The following AKAP19 variants were observed in gnomAD, a reference collection of about 807,000 sequenced individuals.
AKAP19 encodes the protein small A-kinase anchoring protein.
the AKAP19 span, among the ~76,000 whole-genome samples, chr2:190,195,064 A>G: frequency 6.6e-6 from 1 of 152,020 alleles, no homozygotes; most frequent in East Asian, 1.9e-4. Context: ...GGGTCTTGCT[A>G]TGTTGCCTAG....
chr2:190,180,323 A>G, the AKAP19 span: 8 of 358,332 alleles, frequency 2.2e-5, no homozygotes, highest in African/African-American at 1.5e-4. The surrounding 1 kb of genome is among the most constrained non-coding windows in gnomAD (Gnocchi z 6.8). Flanking sequence ...AGGCGGGCTC[A>G]GTGCCCCGGC....
chr2:190,083,038 T>C, the AKAP19 span, among the ~76,000 whole-genome samples: 3 of 152,208 alleles, frequency 2.0e-5, no homozygotes, highest in Non-Finnish European at 4.4e-5. Flanking sequence ...ATTTAACATA[T>C]GTATTATCTC....
At chr2:190,062,092 G>A in the AKAP19 span, 3 of 936,996 alleles carry the variant, frequency 3.2e-6, no homozygotes, top group South Asian at 5.1e-5. Flanking sequence ...TTGAAAAAGA[G>A]AAACTCTTTT....
At chr2:189,991,470 T>C in the AKAP19 span, among the ~76,000 whole-genome samples, 2 of 152,232 alleles carry the variant, frequency 1.3e-5, no homozygotes, top group Non-Finnish European at 2.9e-5. Context: ...TTTTTTCATA[T>C]GTTTGTTGGC....
chr2:190,075,740 T>A, the AKAP19 span, among the ~76,000 whole-genome samples: 1 of 152,092 alleles, frequency 6.6e-6, no homozygotes, highest in Non-Finnish European at 1.5e-5. Context: ...TTAAAGTGGT[T>A]TTTTTGGTAG....
the AKAP19 span, among the ~76,000 whole-genome samples, chr2:190,146,345 C>T: frequency 2.0e-5 from 3 of 152,218 alleles, no homozygotes; most frequent in Admixed American, 6.5e-5. Flanking sequence ...CATAGTATTC[C>T]GTCATTTATA....
chr2:190,055,151 C>A, the AKAP19 span, among the ~76,000 whole-genome samples: 1,715 of 151,938 alleles, frequency 0.011, 25 homozygotes, highest in African/African-American at 0.039. Context: ...TGCAGCCATA[C>A]AAAATGATGA....
chr2:189,916,914 G>GTA, the AKAP19 span, among the ~76,000 whole-genome samples: 4 of 151,932 alleles, frequency 2.6e-5, no homozygotes, highest in Non-Finnish European at 5.9e-5. Flanking sequence ...TTCATTCACC[G>GTA]TATAATTTAT....
the AKAP19 span, among the ~76,000 whole-genome samples, chr2:190,146,782 G>T: frequency 6.6e-6 from 1 of 152,122 alleles, no homozygotes; most frequent in Non-Finnish European, 1.5e-5. Flanking sequence ...ATGTTTGTTG[G>T]CCATTTGTAT....
chr2:189,904,489 AAC>A, the AKAP19 span, among the ~76,000 whole-genome samples: 1 of 152,066 alleles, frequency 6.6e-6, no homozygotes, highest in Non-Finnish European at 1.5e-5. Flanking sequence ...TTAAGCTGTT[AAC>A]ACAGAATGGG....
the AKAP19 span, among the ~76,000 whole-genome samples, chr2:189,947,840 A>G: frequency 6.6e-6 from 1 of 152,152 alleles, no homozygotes; most frequent in Non-Finnish European, 1.5e-5. Context: ...ATCTATGTGA[A>G]GAATAAACCT....
At chr2:189,902,201 A>G in the AKAP19 span, among the ~76,000 whole-genome samples, 1 of 151,956 alleles carries the variant, frequency 6.6e-6, no homozygotes, top group Non-Finnish European at 1.5e-5. Context: ...ATGTATCTTT[A>G]TTTAGTATTC....
At chr2:190,163,298 T>G in the AKAP19 span, among the ~76,000 whole-genome samples, 2 of 151,802 alleles carry the variant, frequency 1.3e-5, no homozygotes, top group African/African-American at 2.4e-5. Context: ...GCCGGGCGTG[T>G]TGGCGGGCGC....
the AKAP19 span, among the ~76,000 whole-genome samples, chr2:189,997,150 T>C: frequency 6.6e-6 from 1 of 152,220 alleles, no homozygotes; most frequent in Non-Finnish European, 1.5e-5. Context: ...TGGAGTTAGC[T>C]GTTGGTTTCT....
the AKAP19 span, among the ~76,000 whole-genome samples, chr2:190,110,629 T>C: frequency 0.018 from 2,816 of 152,314 alleles, 36 homozygotes; most frequent in Middle Eastern, 0.027. Flanking sequence ...AACTTAGCCA[T>C]TTATTTCCTA....
At chr2:190,104,598 T>C in the AKAP19 span, among the ~76,000 whole-genome samples, 1 of 152,144 alleles carries the variant, frequency 6.6e-6, no homozygotes, top group Non-Finnish European at 1.5e-5. Flanking sequence ...GAGACCAGGC[T>C]GGGCAACATG....
the AKAP19 span, among the ~76,000 whole-genome samples, chr2:189,949,335 C>T: frequency 7.2e-5 from 11 of 151,980 alleles, no homozygotes; most frequent in African/African-American, 1.9e-4. Flanking sequence ...GAGTGGATCA[C>T]GAGGTCAGGA....
chr2:190,199,998 G>C, the AKAP19 span: 136 of 1,614,016 alleles, frequency 8.4e-5, no homozygotes, highest in Non-Finnish European at 1.0e-4. Flanking sequence ...ATGTCAAAGA[G>C]GAAGTGAAGG....
the AKAP19 span, among the ~76,000 whole-genome samples, chr2:190,114,519 G>A: frequency 6.6e-6 from 1 of 152,118 alleles, no homozygotes; most frequent in African/African-American, 2.4e-5. Flanking sequence ...CCAGTGGCGC[G>A]ATCTCGGCTC....
Sources: gnomAD v4.1 joint callset for allele counts (sites outside exome capture counted in the v4.1 genomes callset) on GRCh38, gnomAD v4.1.1 for gene constraint, Gnocchi (gnomAD v3.1) non-coding constraint, MANE v1.5 for transcripts, NCBI Gene and HGNC (gene_info 2026-07-23, HGNC 2026-07-21) for gene names.